Variants in EFCAB11 observed in about 807,000 individuals in gnomAD.
EFCAB11 encodes the protein EF-hand calcium binding domain 11, also known as EF-hand calcium-binding domain-containing protein 11.
EFCAB11 carries 14 observed loss-of-function variants against 23.0 expected under a neutral mutation model. The observed-to-expected ratio is 0.61, with a 90% CI of 0.40 to 0.95. The LOEUF (loss-of-function observed/expected upper bound fraction) is 0.95. Among genes scored for constraint, EFCAB11 ranks in the 40% least tolerant of loss-of-function variants. The pLI, the probability that EFCAB11 is intolerant of heterozygous loss-of-function variation, is 0.00. For missense variants in EFCAB11, 198 were observed against 195.8 expected (o/e 1.01, Z -0.07); for synonymous variants, 65 against 66.6 (o/e 0.98, Z 0.11).
At chr14:89,797,418 T>C in intron 5 of EFCAB11, 94 bp from the exon 6 acceptor site, 1 of 1,127,588 alleles carries the variant, frequency 8.9e-7, no homozygotes. Flanking sequence ...TGCATGTCTG[T>C]GTGAGAGAGG....
At chr14:89,800,401 T>C (rs1596370835) in intron 5 of EFCAB11, among the ~76,000 whole-genome samples, 1 of 152,240 alleles carries the variant, frequency 6.6e-6, no homozygotes, top group East Asian at 1.9e-4. Flanking sequence ...GGGAACCCCC[T>C]GAATGTCAGG....
intron 5 of EFCAB11, among the ~76,000 whole-genome samples, chr14:89,860,221 G>A (rs1887879356): frequency 6.6e-6 from 1 of 152,096 alleles, no homozygotes; most frequent in Non-Finnish European, 1.5e-5. Flanking sequence ...AAAACTAGCT[G>A]GGTGTGGTGG....
intron 5 of EFCAB11, among the ~76,000 whole-genome samples, chr14:89,883,515 T>C (rs1888662606): frequency 6.6e-6 from 1 of 152,206 alleles, no homozygotes; most frequent in Non-Finnish European, 1.5e-5. Flanking sequence ...CTCCAGATTA[T>C]TCATAATGCC....
intron 3 of EFCAB11, among the ~76,000 whole-genome samples, chr14:89,939,510 G>A (rs957868101): frequency 6.6e-6 from 1 of 152,080 alleles, no homozygotes; most frequent in African/African-American, 2.4e-5. Context: ...CAGGAGGCGG[G>A]GCACACAGCT....
chr14:89,952,600 G>A, intron 2 of EFCAB11: 1 of 985,434 alleles, frequency 1.0e-6, no homozygotes, highest in Admixed American at 6.1e-5. Flanking sequence ...CACCTGAGCT[G>A]TTCATGCAAC....
At chr14:89,950,331 C>CCCTAATCTGCT (rs1891125176) in intron 2 of EFCAB11, among the ~76,000 whole-genome samples, 189 bp from the exon 3 acceptor site, 1 of 152,104 alleles carries the variant, frequency 6.6e-6, no homozygotes, top group Non-Finnish European at 1.5e-5. Flanking sequence ...TATAAAATAG[C>CCCTAATCTGCT]AGACACTAAT....
In EFCAB11 at chr14:89,871,795, C is replaced by G. The variant is rs567340668; in HGVS notation, c.410+59746G>C. Among the ~76,000 whole-genome samples the G allele has an allele frequency of 2.0e-5, 3 of 152,234 alleles. No individual in the cohort carries two copies. The South Asian group carries it at 6.2e-4, about 31-fold the overall frequency. On this transcript the variant is annotated intron_variant, in intron 5 of 5. Coordinates refer to ENST00000316738, the MANE Select transcript of EFCAB11 (RefSeq NM_145231.4). ...TTTTCCCCCTGACTCCATCAGATTT[C>G]CCATGTCACTGCTAATGTACTGACA... is the stretch of plus-strand genomic sequence containing the variant.
At chr14:89,834,516 G>A (rs1374697294) in intron 5 of EFCAB11, among the ~76,000 whole-genome samples, 1 of 152,124 alleles carries the variant, frequency 6.6e-6, no homozygotes, top group Non-Finnish European at 1.5e-5. Flanking sequence ...CACTGGGAGT[G>A]CAAGGAATTA....
intron 5 of EFCAB11, among the ~76,000 whole-genome samples, chr14:89,916,609 A>G (rs1054676209): frequency 6.6e-6 from 1 of 152,198 alleles, no homozygotes; most frequent in African/African-American, 2.4e-5. Context: ...GAACATGTAA[A>G]CTTTGATCAG....
intron 5 of EFCAB11, among the ~76,000 whole-genome samples, chr14:89,864,807 T>C (rs2140154888): frequency 6.6e-6 from 1 of 152,266 alleles, no homozygotes; most frequent in East Asian, 1.9e-4. Context: ...GTCAGTGTTG[T>C]TTGGTGCTTC....
At chr14:89,818,772 A>G (rs1193192239) in intron 5 of EFCAB11, among the ~76,000 whole-genome samples, 1 of 152,238 alleles carries the variant, frequency 6.6e-6, no homozygotes, top group Non-Finnish European at 1.5e-5. Flanking sequence ...GCACATGAAA[A>G]GATATTCAAC....
rs915328374 is a variant in EFCAB11, at chr14:89,845,248, G to T, written c.411-47924C>A. Among the ~76,000 whole-genome samples the T allele has an allele frequency of 5.9e-5, 9 of 152,074 alleles. No homozygotes were observed. The East Asian group carries it at 1.7e-3, about 29-fold the overall frequency. ...CATCATGAGTTCATCCAAGTAAACG[G>T]ATCATTTAAATATAAAAGTTAGAGT... On this transcript the variant is annotated intron_variant, in intron 5 of 5. Coordinates refer to ENST00000316738, the MANE Select transcript of EFCAB11 (RefSeq NM_145231.4).
intron 5 of EFCAB11, among the ~76,000 whole-genome samples, chr14:89,911,049 C>A (rs557192634): frequency 2.6e-5 from 4 of 152,150 alleles, no homozygotes; most frequent in Non-Finnish European, 5.9e-5. Context: ...AGAAAACAGA[C>A]AAATGAATCC....
At chr14:89,879,786 C>T (rs1308546409) in intron 5 of EFCAB11, among the ~76,000 whole-genome samples, 2 of 152,084 alleles carry the variant, frequency 1.3e-5, no homozygotes, top group Non-Finnish European at 2.9e-5. Flanking sequence ...TTCAAGATTA[C>T]CCAATATTCA....
At chr14:89,911,911 C>T (rs1173469105) in intron 5 of EFCAB11, among the ~76,000 whole-genome samples, 5 of 152,164 alleles carry the variant, frequency 3.3e-5, no homozygotes, top group African/African-American at 7.2e-5. Flanking sequence ...ATGAATTATC[C>T]CTGTTAAGCC....
intron 5 of EFCAB11, among the ~76,000 whole-genome samples, chr14:89,831,902 T>G (rs574636419): frequency 6.6e-6 from 1 of 152,292 alleles, no homozygotes; most frequent in Admixed American, 6.5e-5. Context: ...AGCTTTTATC[T>G]GAGGCAGCAA....
chr14:89,886,664 G>C (rs773918266), intron 5 of EFCAB11, among the ~76,000 whole-genome samples: 2 of 151,958 alleles, frequency 1.3e-5, no homozygotes, highest in Non-Finnish European at 2.9e-5. Flanking sequence ...ATAAAGGGAA[G>C]TGGCTGAAAT....
chr14:89,809,003 T>A (rs1204817554), intron 5 of EFCAB11, among the ~76,000 whole-genome samples: 1 of 152,234 alleles, frequency 6.6e-6, no homozygotes, highest in Admixed American at 6.5e-5. Flanking sequence ...AGTTAGAATT[T>A]GTTTTCTATC....
chr14:89,949,315 A>G (rs565442395), intron 3 of EFCAB11, among the ~76,000 whole-genome samples: 8 of 152,324 alleles, frequency 5.3e-5, no homozygotes, highest in African/African-American at 1.9e-4. Flanking sequence ...TCTTTTGGAC[A>G]ACGGGAAACA....
Sources: allele counts gnomAD v4.1 joint callset (sites outside exome capture counted in the v4.1 genomes callset), GRCh38; gene constraint gnomAD v4.1.1; transcripts MANE v1.5; gene names NCBI Gene and HGNC (gene_info 2026-07-23, HGNC 2026-07-21).